Variants in RBMS2 observed in about 807,000 individuals in gnomAD.
The protein encoded by RBMS2 is RNA-binding motif, single-stranded-interacting protein 2.
In RBMS2, 38 loss-of-function variants were observed where a neutral mutation model predicts 58.4. The observed-to-expected ratio is 0.65, with a 90% confidence interval of 0.50 to 0.85. RBMS2 has a LOEUF of 0.85. Ranked by LOEUF, RBMS2 falls within the 40% of genes least tolerant of loss-of-function variation. RBMS2 has a pLI of 0.00. For synonymous variants in RBMS2, 151 were observed against 180.7 expected (o/e 0.84, Z 1.32); for missense variants, 367 against 503.7 (o/e 0.73, Z 2.60).
intron 1 of RBMS2, among the ~76,000 whole-genome samples, chr12:56,552,721 A>G (rs1242245610): frequency 3.9e-5 from 6 of 151,914 alleles, no homozygotes; most frequent in Admixed American, 3.3e-4. Context: ...AAGTGCCTGT[A>G]GTCCCAGCTA....
At chr12:56,542,552 C>CTTTTTTTTTTTTTTTTTTTT (rs1239883545) in intron 1 of RBMS2, among the ~76,000 whole-genome samples, 3 of 101,034 alleles carry the variant, frequency 3.0e-5, no homozygotes, top group Non-Finnish European at 4.2e-5. Context: ...TCTTGTTTTT[C>CTTTTTTTTTTTTTTTTTTTT]TTTTTTTTTT....
At position 56,592,279 on chromosome 12, in the gene RBMS2, G is replaced by A. The variant is rs535752153; in HGVS notation, c.*3146G>A. On this transcript the variant is annotated 3_prime_UTR_variant, in exon 14 of 14. Coordinates refer to ENST00000262031, the MANE Select transcript of RBMS2 (RefSeq NM_002898.4). Reference sequence around the variant, plus strand: ...CTCATAACATTCTTAAAATATTTTAGTACTTGGCATTTTTCTGTTTTCAGT... The same window carrying A: ...CTCATAACATTCTTAAAATATTTTAATACTTGGCATTTTTCTGTTTTCAGT... 6.6e-6 allele frequency: 1 copy of A among 152,206 alleles called. No individual in the cohort carries two copies. Among genetic ancestry groups the A allele is most frequent in the East Asian group, 1.9e-4 (1 of 5,172 alleles). The allele number at this position is 152,206 out of a possible 1,614,324, so 9.4% of individuals were successfully genotyped here.
intron 1 of RBMS2, among the ~76,000 whole-genome samples, chr12:56,545,467 A>G (rs1237024995): frequency 6.6e-6 from 1 of 152,216 alleles, no homozygotes; most frequent in Non-Finnish European, 1.5e-5. Flanking sequence ...AAAGTATACA[A>G]TTCAGTGGCT....
chr12:56,539,394 A>G (rs1875649912), intron 1 of RBMS2, among the ~76,000 whole-genome samples: 1 of 152,164 alleles, frequency 6.6e-6, no homozygotes, highest in African/African-American at 2.4e-5. Flanking sequence ...TATAGAGGGT[A>G]AAGATTTATT....
intron 5 of RBMS2, among the ~76,000 whole-genome samples, chr12:56,575,418 CAG>C (rs1882964718): frequency 6.6e-6 from 1 of 151,924 alleles, no homozygotes; most frequent in East Asian, 1.9e-4. Flanking sequence ...GCCTGGGCTA[CAG>C]AGTGAGACCC....
intron 5 of RBMS2, among the ~76,000 whole-genome samples, chr12:56,578,091 C>T (rs1565775253): frequency 6.6e-6 from 1 of 151,856 alleles, no homozygotes; most frequent in Non-Finnish European, 1.5e-5. Flanking sequence ...TTTCAAAGTG[C>T]TGGGATTGAG....
intron 2 of RBMS2, among the ~76,000 whole-genome samples, chr12:56,565,403 C>CT (rs879595648): frequency 5.4e-4 from 79 of 145,940 alleles, no homozygotes; most frequent in Non-Finnish European, 6.2e-4. Flanking sequence ...AGAAGAAAGA[C>CT]TTTTTTTTTT....
rs1215832134 is a variant in RBMS2, at chr12:56,595,573, T to G, written c.*6440T>G. On this transcript the variant is annotated 3_prime_UTR_variant, in exon 14 of 14. Coordinates refer to ENST00000262031, the MANE Select transcript of RBMS2 (RefSeq NM_002898.4). ...CCATTTTGTCTTACTTCACACTTTT[T>G]TTTTTTTAAATAAAACACAAAAGTC... The G allele has an allele frequency of 6.6e-6, 1 of 152,082 alleles. No homozygotes were observed. Among genetic ancestry groups the G allele is most frequent in the African/African-American group, 2.4e-5 (1 of 41,420 alleles). 9.4% of individuals were successfully genotyped at this position (152,082 alleles called of 1,614,324 possible).
chr12:56,589,000 G>A lies in RBMS2; in HGVS notation c.1212G>A (p.Gln404=), dbSNP rs752451934. Residue 404 remains glutamine (Q), a synonymous_variant, in exon 13 of 14, where the codon CAG becomes CAA. Coordinates refer to ENST00000262031, the MANE Select transcript of RBMS2 (RefSeq NM_002898.4). The part of the protein sequence containing the change: ...APSEHGVYSF[Q]FNK ...CAGAGCATGGGGTCTATTCTTTCCA[G>A]TTCAACAAGTAACAGTGGGTAAGAA... is the stretch of plus-strand genomic sequence containing the variant. The A allele has an allele frequency of 6.2e-7, 1 of 1,614,190 alleles. No homozygotes were observed. The highest frequency in any genetic ancestry group is 1.1e-5 in the South Asian group (1 of 91,086).
chr12:56,577,333 C>T (rs568106628), intron 5 of RBMS2, among the ~76,000 whole-genome samples: 1 of 151,684 alleles, frequency 6.6e-6, no homozygotes, highest in East Asian at 1.9e-4. Context: ...ATCATTTGAA[C>T]CCAGGAGGCA....
Position 56,589,321 on chromosome 12 carries a change from T to A in RBMS2, c.*188T>A, listed in dbSNP as rs1885129567. ...AAATCTCTACGTTCCTGCCCTTTAC[T>A]ATTGCTGATGGAGCCTGGGGGAACC... On this transcript the variant is annotated 3_prime_UTR_variant, in exon 14 of 14. Coordinates refer to ENST00000262031, the MANE Select transcript of RBMS2 (RefSeq NM_002898.4). 2.3e-6 allele frequency: 3 copies of A among 1,307,276 alleles called. No individual in the cohort carries two copies. In the African/African-American group the frequency reaches 4.5e-5, roughly 20 times the overall value. The allele number at this position is 1,307,276 out of a possible 1,614,324, so 81.0% of individuals were successfully genotyped here. A position where few individuals can be genotyped will look rare whatever the true frequency, so the allele number is the denominator to read the frequency against.
intron 1 of RBMS2, among the ~76,000 whole-genome samples, chr12:56,523,126 C>T (rs1872041077): frequency 6.6e-6 from 1 of 152,106 alleles, no homozygotes; most frequent in African/African-American, 2.4e-5. Context: ...ACCCAAAACA[C>T]TTAATGTTGA....
At chr12:56,577,161 TG>T (rs1409678517) in intron 5 of RBMS2, among the ~76,000 whole-genome samples, 1 of 151,974 alleles carries the variant, frequency 6.6e-6, no homozygotes. Context: ...CCCAGCACTT[TG>T]GGAGGCCAAG....
At chr12:56,579,658 A>G (rs1291379790) in intron 5 of RBMS2, among the ~76,000 whole-genome samples, 2 of 151,994 alleles carry the variant, frequency 1.3e-5, no homozygotes, top group Non-Finnish European at 2.9e-5. Context: ...AATCTTTTAT[A>G]GGAATGGTTC....
chr12:56,528,423 G>T (rs983043980), intron 1 of RBMS2, among the ~76,000 whole-genome samples: 1 of 152,130 alleles, frequency 6.6e-6, no homozygotes, highest in African/African-American at 2.4e-5. Context: ...GTGAAAACAA[G>T]TAAGGAAGTA....
chr12:56,522,163 T>C lies in RBMS2; in HGVS notation c.66+74T>C. On this transcript the variant is annotated intron_variant, in intron 1 of 13. Coordinates refer to ENST00000262031, the MANE Select transcript of RBMS2 (RefSeq NM_002898.4). ...TCTTGCAATGCCCTTGGTTTTTACA[T>C]TCTTTTTAAAGAGGGGAAGGGGCTT... The C allele has an allele frequency of 2.3e-6, 3 of 1,281,694 alleles. No homozygotes were observed. In the South Asian group the frequency reaches 3.8e-5, roughly 16 times the overall value. 79.4% of individuals were successfully genotyped at this position (1,281,694 alleles called of 1,614,324 possible).
chr12:56,544,687 A>G (rs1285433921), intron 1 of RBMS2, among the ~76,000 whole-genome samples: 15 of 151,670 alleles, frequency 9.9e-5, no homozygotes, highest in Non-Finnish European at 4.4e-5. Flanking sequence ...TCTCAAGTTT[A>G]GTGATCTTCC....
chr12:56,569,548 T>G (rs1303224706), intron 3 of RBMS2, among the ~76,000 whole-genome samples: 2 of 152,148 alleles, frequency 1.3e-5, no homozygotes, highest in Non-Finnish European at 2.9e-5. Context: ...CCTACATGCC[T>G]AGCATTTCTG....
intron 1 of RBMS2, among the ~76,000 whole-genome samples, chr12:56,524,182 G>A (rs1373255614): frequency 1.3e-5 from 2 of 152,166 alleles, no homozygotes; most frequent in African/African-American, 4.8e-5. Context: ...GTGGGTTTGG[G>A]TTGAAATCTC....
Sources: allele counts gnomAD v4.1 joint callset (sites outside exome capture counted in the v4.1 genomes callset), GRCh38; gene constraint gnomAD v4.1.1; transcripts MANE v1.5; gene names NCBI Gene and HGNC (gene_info 2026-07-23, HGNC 2026-07-21).